The following NFIB variants were observed in gnomAD, a reference collection of about 807,000 sequenced individuals.
NFIB encodes the protein nuclear factor I B.
In NFIB, 11 loss-of-function variants were observed where a neutral mutation model predicts 61.5. That is an observed-to-expected ratio of 0.18 (90% CI 0.11 to 0.30). The LOEUF (loss-of-function observed/expected upper bound fraction) is 0.30, where lower values mean the gene tolerates loss of function less well. Ranked by LOEUF, NFIB falls within the 10% of genes least tolerant of loss-of-function variation. The pLI is 1.00. For synonymous variants in NFIB, 260 were observed against 216.5 expected, an observed-to-expected ratio of 1.20 and a Z score of -1.76; for missense variants, 471 against 608.9, an observed-to-expected ratio of 0.77 and a Z score of 2.38.
intron 10 of NFIB, among the ~76,000 whole-genome samples, chr9:14,098,516 A>G (rs568006237): frequency 6.6e-6 from 1 of 152,168 alleles, no homozygotes; most frequent in Non-Finnish European, 1.5e-5. Flanking sequence ...CTATCACTTT[A>G]AGAAAGCCAG....
At chr9:14,488,648 G>A in the NFIB span, among the ~76,000 whole-genome samples, 1 of 152,132 alleles carries the variant, frequency 6.6e-6, no homozygotes, top group Non-Finnish European at 1.5e-5. Context: ...GTGGTGTGAA[G>A]CAAGGGCCAC....
At chr9:14,208,401 T>G (rs1186466948) in intron 2 of NFIB, among the ~76,000 whole-genome samples, 3 of 152,182 alleles carry the variant, frequency 2.0e-5, no homozygotes, top group Non-Finnish European at 4.4e-5. Flanking sequence ...AGAACTGAAT[T>G]ATTCTCACGT....
chr9:14,324,779 T>G (rs758633993), intron 1 of NFIB, among the ~76,000 whole-genome samples: 3 of 152,110 alleles, frequency 2.0e-5, no homozygotes, highest in African/African-American at 4.8e-5. Flanking sequence ...GTCTGTTTCT[T>G]TTGACATGTG....
intron 1 of NFIB, among the ~76,000 whole-genome samples, chr9:14,323,411 A>C (rs1201205911): frequency 6.6e-6 from 1 of 152,096 alleles, no homozygotes; most frequent in Non-Finnish European, 1.5e-5. Flanking sequence ...AATTCTTTTC[A>C]TGTTAAGTAT....
the NFIB span, among the ~76,000 whole-genome samples, chr9:14,502,800 G>C: frequency 6.6e-6 from 1 of 152,046 alleles, no homozygotes; most frequent in African/African-American, 2.4e-5. Flanking sequence ...AAGTTCTTTA[G>C]TGGTAATTTC....
chr9:14,462,674 G>C, the NFIB span, among the ~76,000 whole-genome samples: 2 of 152,112 alleles, frequency 1.3e-5, no homozygotes, highest in African/African-American at 4.8e-5. Context: ...TTATCTCTGG[G>C]TTTTAGAGTT....
intron 2 of NFIB, among the ~76,000 whole-genome samples, chr9:14,198,618 C>T (rs1192792648): frequency 6.6e-6 from 1 of 152,144 alleles, no homozygotes; most frequent in Non-Finnish European, 1.5e-5. Flanking sequence ...ACCTGAGATG[C>T]TTGTTAGAAA....
the NFIB span, among the ~76,000 whole-genome samples, chr9:14,424,100 CCACG>C: frequency 6.6e-6 from 1 of 152,062 alleles, no homozygotes; most frequent in East Asian, 1.9e-4. Context: ...TGTCTAACCC[CCACG>C]TACTCTATGC....
chr9:14,455,167 G>C, the NFIB span, among the ~76,000 whole-genome samples: 2 of 152,166 alleles, frequency 1.3e-5, no homozygotes, highest in Admixed American at 1.3e-4. Context: ...ATAGAGATAT[G>C]TAATGGAGAC....
intron 10 of NFIB, among the ~76,000 whole-genome samples, chr9:14,106,040 A>G (rs1415440589): frequency 6.6e-6 from 1 of 152,244 alleles, no homozygotes; most frequent in Non-Finnish European, 1.5e-5. Flanking sequence ...TCATTTATAT[A>G]GAATTTTTCT....
At chr9:14,123,691 T>C (rs375135648) in intron 7 of NFIB, among the ~76,000 whole-genome samples, 1 of 152,292 alleles carries the variant, frequency 6.6e-6, no homozygotes, top group Admixed American at 6.5e-5. Flanking sequence ...TGCCTCTGCC[T>C]CCTTTGCCTG....
At chr9:14,494,007 C>A in the NFIB span, among the ~76,000 whole-genome samples, 1 of 152,174 alleles carries the variant, frequency 6.6e-6, no homozygotes, top group Non-Finnish European at 1.5e-5. Context: ...ACTGTGGAAA[C>A]GTATCTCTTC....
At chr9:14,361,807 C>T (rs1165569620) in intron 1 of NFIB, 2 of 152,090 alleles carry the variant, frequency 1.3e-5, no homozygotes, top group African/African-American at 4.8e-5. Flanking sequence ...TGAGGTTTAC[C>T]AATGACAGGA....
At chr9:14,474,703 TG>T in the NFIB span, among the ~76,000 whole-genome samples, 1 of 152,058 alleles carries the variant, frequency 6.6e-6, no homozygotes, top group Non-Finnish European at 1.5e-5. Context: ...TAAAATACAG[TG>T]GGGGACAGGC....
chr9:14,183,915 T>C (rs2047071228), intron 2 of NFIB, among the ~76,000 whole-genome samples: 1 of 152,132 alleles, frequency 6.6e-6, no homozygotes, highest in Non-Finnish European at 1.5e-5. Context: ...AAAAAAAAAG[T>C]AATGAAGTTA....
chr9:14,189,341 C>T (rs1394728307), intron 2 of NFIB, among the ~76,000 whole-genome samples: 3 of 152,308 alleles, frequency 2.0e-5, no homozygotes, highest in South Asian at 4.1e-4. Flanking sequence ...GGGCTCTATC[C>T]GGCAACTGCC....
At chr9:14,324,097 G>C (rs2060723439) in intron 1 of NFIB, among the ~76,000 whole-genome samples, 1 of 152,184 alleles carries the variant, frequency 6.6e-6, no homozygotes, top group Non-Finnish European at 1.5e-5. Flanking sequence ...TCCACACTCA[G>C]CTATAACTTC....
At chr9:14,227,925 T>C (rs1024406533) in intron 2 of NFIB, among the ~76,000 whole-genome samples, 19 of 152,242 alleles carry the variant, frequency 1.2e-4, no homozygotes, top group African/African-American at 4.6e-4. Context: ...GGTGTTAATT[T>C]AAATCAATTT....
intron 1 of NFIB, among the ~76,000 whole-genome samples, chr9:14,347,094 T>A (rs971043301): frequency 2.0e-5 from 3 of 149,912 alleles, no homozygotes; most frequent in Non-Finnish European, 4.4e-5. Flanking sequence ...TCTCCTGAGC[T>A]CCACGCCGGG....
Sources: gnomAD v4.1 joint callset for allele counts (sites outside exome capture counted in the v4.1 genomes callset) on GRCh38, gnomAD v4.1.1 for gene constraint, MANE v1.5 for transcripts, NCBI Gene and HGNC (gene_info 2026-07-23, HGNC 2026-07-21) for gene names.